The following DNAH6 variants were observed in gnomAD, a reference collection of about 807,000 sequenced individuals.
DNAH6 encodes the protein dynein axonemal heavy chain 6.
Under a neutral mutation model 491.4 loss-of-function variants are expected in DNAH6, and 340 were observed. The ratio of observed to expected loss-of-function variants is 0.69; its 90% CI spans 0.63 to 0.76. The LOEUF is 0.76. DNAH6 is among the 30% of genes least tolerant of loss of function. The pLI is 0.00. For synonymous variants in DNAH6, 1,603 were observed against 1,686.1 expected (o/e 0.95, Z 1.21); for missense variants, 4,443 against 4,972.2 (o/e 0.89, Z 3.20).
Position 84,605,506 on chromosome 2 carries a change from G to C in DNAH6, c.3088G>C (p.Asp1030His). 1 of 1,550,190 alleles carries C rather than the reference G, an allele frequency of 6.5e-7. No homozygotes were observed. The highest frequency in any genetic ancestry group is 1.2e-5 in the South Asian group (1 of 84,012). The change falls in exon 20 of 77, where the codon GAC becomes CAC. Residue 1030 changes from aspartate to histidine, a missense_variant. Coordinates refer to ENST00000389394, the MANE Select transcript of DNAH6 (RefSeq NM_001370.2). The stretch of plus-strand genomic sequence containing the variant: ...GGCTTGAATTATTTCTAAGGTGGAG[G>C]ACTCTTGGAAAACAACTGAATTTGT... Reference protein sequence around the residue: ...ALEAILKKVEDSWKTTEFVIL... With the variant: ...ALEAILKKVEHSWKTTEFVIL...
At position 84,697,586 on chromosome 2, in the gene DNAH6, G is replaced by T. The variant is rs1455047778; in HGVS notation, c.7536G>T (p.Glu2512Asp). ...GCTTTCTTCTACAGATTGTAGTGGA[G>T]GAGTTCCTAGAAGATATAAATAACA... is the stretch of plus-strand genomic sequence containing the variant. Reference protein sequence around the residue: ...FLFTDTQIVVEEFLEDINNIL... With the variant: ...FLFTDTQIVVDEFLEDINNIL... The change falls in exon 47 of 77, where the codon GAG becomes GAT. Residue 2512 changes from glutamate (E) to aspartate (D), a missense_variant. By Grantham distance (45) the Glu-to-Asp change is conservative (BLOSUM62 2). Transcript: ENST00000389394. 9.7e-6 allele frequency: 15 copies of T among 1,551,486 alleles called. No individual in the cohort carries two copies. Among genetic ancestry groups the T allele is most frequent in the African/African-American group, 1.4e-5 (1 of 72,986 alleles).
intron 73 of DNAH6, 144 bp downstream of exon 73, chr2:84,812,670 C>G: frequency 2.7e-6 from 2 of 735,400 alleles, no homozygotes; most frequent in Non-Finnish European, 4.5e-6. Flanking sequence ...AATGGCATCA[C>G]TTTAAAAGTC....
intron 33 of DNAH6, among the ~76,000 whole-genome samples, chr2:84,651,426 G>C (rs189049920): frequency 6.6e-6 from 1 of 152,178 alleles, no homozygotes; most frequent in African/African-American, 2.4e-5. Context: ...TCTGGGCTCC[G>C]CACTCAGTGT....
chr2:84,673,969 G>A lies in DNAH6; in HGVS notation c.6612+1485G>A, dbSNP rs557832711. On this transcript the variant is annotated intron_variant, in intron 40 of 76. Transcript: ENST00000389394. ...TATTCAGTATTAACCATCACAGGTGGGGTATAGAGTCAAGAGGGAGAAGGG... is the reference window on the plus strand; with the variant it reads ...TATTCAGTATTAACCATCACAGGTGAGGTATAGAGTCAAGAGGGAGAAGGG... 7.2e-5 allele frequency among the ~76,000 whole-genome samples: 11 copies of A among 152,278 alleles called. No homozygotes were observed. The South Asian group carries it at 1.7e-3, about 23-fold the overall frequency.
At chr2:84,625,130 C>T (rs755393839) in intron 29 of DNAH6, 67 bp downstream of exon 29, 9 of 1,348,970 alleles carry the variant, frequency 6.7e-6, no homozygotes, top group East Asian at 2.7e-5. Context: ...TGCAACATGA[C>T]ATAACAAAAT....
intron 29 of DNAH6, among the ~76,000 whole-genome samples, chr2:84,629,845 C>T (rs1470862040): frequency 6.6e-6 from 1 of 151,908 alleles, no homozygotes; most frequent in African/African-American, 2.4e-5. Flanking sequence ...CAACAAAATA[C>T]CAAAAATTGA....
chr2:84,816,207 C>A, intron 76 of DNAH6, 124 bp downstream of exon 76: 1 of 661,048 alleles, frequency 1.5e-6, no homozygotes, highest in Non-Finnish European at 2.5e-6. Flanking sequence ...TAAAATGAAG[C>A]CACCTATAAC....
chr2:84,697,858 T>G lies in DNAH6; in HGVS notation c.7677+131T>G, dbSNP rs1005051252. ...TTCAATATAATTGGTTTCCTTTGTA[T>G]TCGATGTATTTTATTTTCGGTGTTT... On this transcript the variant is annotated intron_variant, in intron 47 of 76. Coordinates refer to ENST00000389394, the MANE Select transcript of DNAH6 (RefSeq NM_001370.2). The G allele has an allele frequency of 2.8e-5, 27 of 950,274 alleles. 1 individual carries two copies. The Admixed American group carries it at 6.6e-4, about 23-fold the overall frequency. The allele number at this position is 950,274 out of a possible 1,614,324, so 58.9% of individuals were successfully genotyped here. A position where few individuals can be genotyped will look rare whatever the true frequency, so the allele number is the denominator to read the frequency against.
the DNAH6 span, among the ~76,000 whole-genome samples, chr2:84,463,480 T>C: frequency 6.6e-6 from 1 of 152,358 alleles, no homozygotes; most frequent in African/African-American, 2.4e-5. Context: ...GAAATCTTCC[T>C]TCTAGTCTCC....
intron 11 of DNAH6, among the ~76,000 whole-genome samples, chr2:84,560,706 G>T (rs1680578919): frequency 6.6e-6 from 1 of 151,852 alleles, no homozygotes; most frequent in South Asian, 2.1e-4. Flanking sequence ...GAGAACATGT[G>T]GTGTTTGGTT....
At chr2:84,564,806 T>A (rs996475425) in intron 11 of DNAH6, among the ~76,000 whole-genome samples, 4 of 152,182 alleles carry the variant, frequency 2.6e-5, no homozygotes, top group African/African-American at 9.6e-5. Flanking sequence ...GCCCATGCAG[T>A]ATGATGTTGG....
chr2:84,703,385 T>C lies in DNAH6; in HGVS notation c.8062-10T>C. The C allele has an allele frequency of 1.3e-6, 2 of 1,486,196 alleles. No homozygotes were observed. The highest frequency in any genetic ancestry group is 1.8e-6 in the Non-Finnish European group (2 of 1,114,480). The allele number at this position is 1,486,196 out of a possible 1,614,324, so 92.1% of individuals were successfully genotyped here. A position where few individuals can be genotyped will look rare whatever the true frequency, so the allele number is the denominator to read the frequency against. ...TGCTCATTATAATATAAATTTTCAT[T>C]GTCACTTAGGCACGAGATCGGGTGA... On this transcript the variant is annotated splice_polypyrimidine_tract_variant and intron_variant, in intron 49 of 76. Coordinates refer to ENST00000389394, the MANE Select transcript of DNAH6 (RefSeq NM_001370.2).
Position 84,718,350 on chromosome 2 carries a change from A to G in DNAH6, c.9758A>G (p.Asn3253Ser). 2 of 1,543,882 alleles carry G rather than the reference A, an allele frequency of 1.3e-6. No individual in the cohort carries two copies. The highest frequency in any genetic ancestry group is 2.5e-5 in the East Asian group (1 of 40,816). ...LFTSEGNILDNEELIDTLQDS... is the reference protein window; with the variant it reads ...LFTSEGNILDSEELIDTLQDS... The stretch of plus-strand genomic sequence containing the variant: ...ACCTCTGAAGGAAATATTCTGGACA[A>G]TGAAGAACTTATTGACACACTCCAG... The change falls in exon 59 of 77, where the codon AAT becomes AGT. Residue 3253 changes from asparagine (N) to serine (S), a missense_variant. Around this residue, in one of 3 missense-constraint regions of DNAH6, gnomAD observed 1,463 missense variants for 1,656.6 expected, o/e 0.88. Coordinates refer to ENST00000389394, the MANE Select transcript of DNAH6 (RefSeq NM_001370.2).
chr2:84,631,344 A>G (rs1472183665), intron 29 of DNAH6, among the ~76,000 whole-genome samples: 1 of 152,158 alleles, frequency 6.6e-6, no homozygotes, highest in Non-Finnish European at 1.5e-5. Context: ...GTATAATGTT[A>G]TTATTATATC....
chr2:84,464,186 C>G, the DNAH6 span, among the ~76,000 whole-genome samples: 2 of 152,206 alleles, frequency 1.3e-5, no homozygotes, highest in African/African-American at 4.8e-5. Flanking sequence ...TTTACTCCTA[C>G]TTTGAAGGCC....
the DNAH6 span, among the ~76,000 whole-genome samples, chr2:84,500,769 A>T: frequency 1.3e-5 from 2 of 152,122 alleles, no homozygotes; most frequent in African/African-American, 4.8e-5. Context: ...TTCCTAGGGA[A>T]TTAATTTATT....
the DNAH6 span, among the ~76,000 whole-genome samples, chr2:84,503,710 T>A: frequency 6.6e-6 from 1 of 151,978 alleles, no homozygotes; most frequent in Admixed American, 6.6e-5. Context: ...TTCAACACTT[T>A]AAATGTCATG....
At chr2:84,710,227 G>A (rs905150414) in intron 55 of DNAH6, 60 bp from the exon 56 acceptor site, 49 of 1,508,532 alleles carry the variant, frequency 3.2e-5, no homozygotes, top group Middle Eastern at 1.7e-4. Context: ...TAAAGCTTTC[G>A]CTTTCTAGCC....
At chr2:84,678,583 T>C (rs1261578880) in intron 41 of DNAH6, among the ~76,000 whole-genome samples, 1 of 152,162 alleles carries the variant, frequency 6.6e-6, no homozygotes, top group Non-Finnish European at 1.5e-5. Context: ...CAAAATGGAA[T>C]GATTTCCATT....
Sources: allele counts gnomAD v4.1 joint callset (sites outside exome capture counted in the v4.1 genomes callset), GRCh38; gene constraint gnomAD v4.1.1; regional missense constraint gnomAD v4.1.1; transcripts MANE v1.5; gene names NCBI Gene and HGNC (gene_info 2026-07-23, HGNC 2026-07-21).